Variants in ARL8B observed in about 807,000 individuals in gnomAD.
ARL8B encodes the protein ADP-ribosylation factor-like protein 8B.
In ARL8B, 9 loss-of-function variants were observed where a neutral mutation model predicts 30.6. The ratio of observed to expected loss-of-function variants is 0.29; its 90% confidence interval spans 0.18 to 0.51. ARL8B has a LOEUF of 0.51. ARL8B is among the 20% of genes least tolerant of loss of function. ARL8B has a pLI of 0.97. For missense variants in ARL8B, 130 were observed against 227.2 expected (o/e 0.57, Z 2.75); for synonymous variants, 74 against 76.0 (o/e 0.97, Z 0.14).
chr3:5,178,958 T>G lies in ARL8B; in HGVS notation c.*245T>G. 2.1e-6 allele frequency: 1 copy of G among 465,440 alleles called. No homozygotes were observed. Among genetic ancestry groups the G allele is most frequent in the East Asian group, 4.2e-5 (1 of 23,878 alleles). 28.8% of individuals were successfully genotyped at this position (465,440 alleles called of 1,614,324 possible). A position where few individuals can be genotyped will look rare whatever the true frequency, so the allele number is the denominator to read the frequency against. The stretch of plus-strand genomic sequence containing the variant: ...TTACACATACCTGTCTTAAACCATG[T>G]GTAGAGCTTTAAAAACAGAAAAAAA... On this transcript the variant is annotated 3_prime_UTR_variant, in exon 7 of 7. Transcript: ENST00000256496.
chr3:5,150,060 G>C (rs1017983898), intron 1 of ARL8B, among the ~76,000 whole-genome samples: 1 of 152,148 alleles, frequency 6.6e-6, no homozygotes, highest in African/African-American at 2.4e-5. Flanking sequence ...AATATTGTGA[G>C]CTACTTTTTG....
intron 4 of ARL8B, among the ~76,000 whole-genome samples, chr3:5,173,456 G>A (rs148606516): frequency 7.3e-4 from 111 of 152,288 alleles, no homozygotes; most frequent in African/African-American, 2.6e-3. Flanking sequence ...GCAGAATGCC[G>A]CCGGGCGCGG....
chr3:5,128,560 AT>A (rs528912503), intron 1 of ARL8B: 5 of 388,128 alleles, frequency 1.3e-5, no homozygotes, highest in Non-Finnish European at 2.6e-5. Flanking sequence ...AAGTTAATGG[AT>A]TTTTTAAGTT....
At chr3:5,124,256 ATTTTTTTTTTT>A (rs35897178) in intron 1 of ARL8B, among the ~76,000 whole-genome samples, 4,038 of 105,710 alleles carry the variant, frequency 0.038, 95 homozygotes, top group Non-Finnish European at 0.059. Flanking sequence ...AATACCACTA[ATTTTTTTTTTT>A]TTTTTTTTTT....
chr3:5,148,684 A>T (rs1232460714), intron 1 of ARL8B, among the ~76,000 whole-genome samples: 1 of 152,164 alleles, frequency 6.6e-6, no homozygotes, highest in Non-Finnish European at 1.5e-5. Context: ...TATCATTTAC[A>T]TAGAGAATTA....
At chr3:5,138,061 C>G (rs1487345805) in intron 1 of ARL8B, among the ~76,000 whole-genome samples, 1 of 150,656 alleles carries the variant, frequency 6.6e-6, no homozygotes, top group Non-Finnish European at 1.5e-5. Flanking sequence ...ATAACCCATC[C>G]TAGATGTGCT....
chr3:5,122,315 G>T lies in ARL8B; in HGVS notation c.-151G>T, dbSNP rs1462370961. 2.6e-6 allele frequency: 4 copies of T among 1,519,370 alleles called. No homozygotes were observed. In the African/African-American group the frequency reaches 4.1e-5, roughly 16 times the overall value. 94.1% of individuals were successfully genotyped at this position (1,519,370 alleles called of 1,614,324 possible). ...TCATATGATCCGCTCGGCTTCCTGG[G>T]TCTGGCTGCTGCCGCCCGCCGGTGT... On this transcript the variant is annotated 5_prime_UTR_variant, in exon 1 of 7. Transcript: ENST00000256496.
Position 5,129,594 on chromosome 3 carries a change from G to T in ARL8B, c.123+7006G>T, listed in dbSNP as rs116235723. 8.9e-3 allele frequency among the ~76,000 whole-genome samples: 1,362 copies of T among 152,282 alleles called. 17 individuals are homozygous for T. Among genetic ancestry groups the T allele is most frequent in the African/African-American group, 0.031 (1,278 of 41,558 alleles). On this transcript the variant is annotated intron_variant, in intron 1 of 6. Coordinates refer to ENST00000256496, the MANE Select transcript of ARL8B (RefSeq NM_018184.3). ...CTTGCTCTGTTGCCCATGCTGGAGT[G>T]TAGTGGCATGATCATGGCTTATTGC...
At chr3:5,157,106 C>T (rs538727440) in intron 1 of ARL8B, 12 of 152,360 alleles carry the variant, frequency 7.9e-5, no homozygotes, top group African/African-American at 2.6e-4. Flanking sequence ...AACCCACCTT[C>T]TATGGGCTTT....
intron 1 of ARL8B, among the ~76,000 whole-genome samples, chr3:5,126,024 G>A (rs1227560367): frequency 2.6e-5 from 4 of 151,742 alleles, no homozygotes; most frequent in Non-Finnish European, 4.4e-5. Flanking sequence ...TCAATTAAAA[G>A]TAATATTAAT....
At position 5,169,887 on chromosome 3, in the gene ARL8B, T is replaced by G. The variant is rs115570807; in HGVS notation, c.124-616T>G. Among the ~76,000 whole-genome samples the G allele has an allele frequency of 9.5e-3, 1,451 of 152,338 alleles. 20 individuals are homozygous for G. The highest frequency in any genetic ancestry group is 0.033 in the African/African-American group (1,351 of 41,564). On this transcript the variant is annotated intron_variant, in intron 1 of 6. Transcript: ENST00000256496. ...AAAGAGGCACAATTCGAGTTCTGTA[T>G]AGGAAGTTATTTGTACAGTTGGAAT...
At chr3:5,175,928 T>C (rs980876387) in intron 6 of ARL8B, among the ~76,000 whole-genome samples, 1 of 152,196 alleles carries the variant, frequency 6.6e-6, no homozygotes, top group African/African-American at 2.4e-5. Flanking sequence ...AACTAATAAC[T>C]TGCAGAGACC....
chr3:5,129,927 G>A (rs1176851506), intron 1 of ARL8B, among the ~76,000 whole-genome samples: 1 of 152,114 alleles, frequency 6.6e-6, no homozygotes, highest in East Asian at 1.9e-4. Context: ...ATAGTGGCAT[G>A]ATCTTGGCTC....
At chr3:5,174,482 C>G (rs2054707608) in intron 6 of ARL8B, 68 bp downstream of exon 6, 2 of 1,040,192 alleles carry the variant, frequency 1.9e-6, no homozygotes, top group Admixed American at 1.9e-5. Flanking sequence ...CTTCTTACAG[C>G]TTATTGTCTC....
At chr3:5,149,256 G>A (rs1327771657) in intron 1 of ARL8B, among the ~76,000 whole-genome samples, 1 of 152,216 alleles carries the variant, frequency 6.6e-6, no homozygotes, top group African/African-American at 2.4e-5. Flanking sequence ...GCTGCCTCTG[G>A]AATAACAGTC....
intron 1 of ARL8B, among the ~76,000 whole-genome samples, chr3:5,153,419 G>A (rs1195570587): frequency 6.6e-6 from 1 of 152,092 alleles, no homozygotes. Context: ...TTTGCCTGCT[G>A]CCATCCATGT....
At chr3:5,165,454 C>T (rs1304406379) in intron 1 of ARL8B, among the ~76,000 whole-genome samples, 1 of 152,040 alleles carries the variant, frequency 6.6e-6, no homozygotes, top group Non-Finnish European at 1.5e-5. Flanking sequence ...CTCTCGTTTG[C>T]CCAGTGTGTG....
intron 1 of ARL8B, among the ~76,000 whole-genome samples, chr3:5,158,586 G>C (rs116454711): frequency 6.6e-6 from 1 of 152,322 alleles, no homozygotes; most frequent in African/African-American, 2.4e-5. Context: ...GGTAACGTCA[G>C]AGTTGTTACC....
chr3:5,138,884 C>T (rs1038110879), intron 1 of ARL8B, among the ~76,000 whole-genome samples: 2 of 152,148 alleles, frequency 1.3e-5, no homozygotes, highest in African/African-American at 4.8e-5. Context: ...CTTACTGTTT[C>T]TTCAGTAATA....
Sources: allele counts gnomAD v4.1 joint callset (sites outside exome capture counted in the v4.1 genomes callset), GRCh38; gene constraint gnomAD v4.1.1; transcripts MANE v1.5; gene names NCBI Gene and HGNC (gene_info 2026-07-23, HGNC 2026-07-21).